Variants in OCIAD2 observed in about 807,000 individuals in gnomAD.
The protein encoded by OCIAD2 is OCIA domain-containing protein 2.
Under a neutral mutation model 22.9 loss-of-function variants are expected in OCIAD2, and 29 were observed. The observed-to-expected ratio is 1.27, with a 90% CI of 0.94 to 1.73. The LOEUF (loss-of-function observed/expected upper bound fraction) is 1.73. Ranked by LOEUF, OCIAD2 falls within the 40% of genes most tolerant of loss-of-function variation. OCIAD2 has a pLI of 0.00. For missense variants in OCIAD2, 189 were observed against 180.3 expected (o/e 1.05, Z -0.28); for synonymous variants, 67 against 60.2 (o/e 1.11, Z -0.52).
At position 48,904,487 on chromosome 4, in the gene OCIAD2, C is replaced by G; in HGVS notation, c.63G>C (p.Lys21Asn). The G allele has an allele frequency of 6.2e-7, 1 of 1,613,592 alleles. No individual in the cohort carries two copies. The highest frequency in any genetic ancestry group is 8.5e-7 in the Non-Finnish European group (1 of 1,179,534). Residue 21 changes from lysine (K) to asparagine (N), a missense_variant, in exon 2 of 7, where the codon AAG becomes AAC. Coordinates refer to ENST00000508632, the MANE Select transcript of OCIAD2 (RefSeq NM_001014446.3). ...ATCAATAAATATAAAAGTATACCTG[C>G]TTGCTTGGTGGTGGAAAATGGGCAT... Reference protein sequence around the residue: ...DKDAHFPPPSKQSLLFCPKSK... With the variant: ...DKDAHFPPPSNQSLLFCPKSK...
At position 48,899,891 on chromosome 4, in the gene OCIAD2, A is replaced by T. The variant is rs1781379272; in HGVS notation, c.101T>A (p.Ile34Asn). The change falls in exon 3 of 7, where the codon ATC becomes AAC. Residue 34 changes from isoleucine (I) to asparagine (N), a missense_variant. Transcript: ENST00000508632. ...LLFCPKSKLH[I>N]HRAEISKIMR... ...AATCTTTGAGATCTCTGCTCTGTGGATGTGCAGTTTTGATTTTGGACAAAA... is the reference window on the plus strand; with the variant it reads ...AATCTTTGAGATCTCTGCTCTGTGGTTGTGCAGTTTTGATTTTGGACAAAA... 1 of 1,613,854 alleles carries T rather than the reference A, an allele frequency of 6.2e-7. No homozygotes were observed. Among genetic ancestry groups the T allele is most frequent in the African/African-American group, 1.3e-5 (1 of 75,024 alleles).
rs1347646471 is a variant in OCIAD2 at position 48,885,466 on chromosome 4, A to C, written c.*18T>G. On this transcript the variant is annotated 3_prime_UTR_variant, in exon 7 of 7. Coordinates refer to ENST00000508632, the MANE Select transcript of OCIAD2 (RefSeq NM_001014446.3). ...AATTCAGAGGTTTAAAAAACTTCGAAAGTCACAGACACAGAATTTAGGAAG... is the reference window on the plus strand; with the variant it reads ...AATTCAGAGGTTTAAAAAACTTCGACAGTCACAGACACAGAATTTAGGAAG... 1.3e-6 allele frequency: 2 copies of C among 1,492,416 alleles called. No individual in the cohort carries two copies. Among genetic ancestry groups the C allele is most frequent in the Middle Eastern group, 1.7e-4 (1 of 5,814 alleles). The allele number at this position is 1,492,416 out of a possible 1,614,324, so 92.4% of individuals were successfully genotyped here.
chr4:48,904,956 A>T (rs750331602), intron 1 of OCIAD2, among the ~76,000 whole-genome samples: 4 of 152,176 alleles, frequency 2.6e-5, no homozygotes, highest in Non-Finnish European at 4.4e-5. Context: ...ACACAACATG[A>T]AAAGTATGCA....
chr4:48,888,944 T>G (rs913013784), intron 6 of OCIAD2, among the ~76,000 whole-genome samples: 3 of 152,212 alleles, frequency 2.0e-5, no homozygotes, highest in African/African-American at 7.2e-5. Context: ...CTGGTAGAAT[T>G]TGGCTGTGAA....
At chr4:48,894,109 T>A in intron 4 of OCIAD2, 56 bp from the exon 5 acceptor site, 1 of 899,756 alleles carries the variant, frequency 1.1e-6, no homozygotes, top group East Asian at 3.2e-5. Context: ...AAATTATAAG[T>A]TATAAATTAT....
intron 2 of OCIAD2, among the ~76,000 whole-genome samples, chr4:48,901,774 G>A (rs1379167062): frequency 2.6e-5 from 4 of 151,788 alleles, no homozygotes; most frequent in Non-Finnish European, 2.9e-5. Flanking sequence ...ACAGGGTCTC[G>A]CTCTGTCACC....
rs576156585 is a variant in OCIAD2, at chr4:48,898,677, C to G, written c.164-820G>C. Among the ~76,000 whole-genome samples the G allele has an allele frequency of 5.3e-5, 8 of 152,136 alleles. No individual in the cohort carries two copies. In the South Asian group the frequency reaches 1.7e-3, roughly 32 times the overall value. On this transcript the variant is annotated intron_variant, in intron 3 of 6. Transcript: ENST00000508632. ...CTTTCTCTTTTTCATGACATTTTGT[C>G]TTACAATTTGGATTTGCTGAAAATC...
chr4:48,887,410 C>G (rs1438387899), intron 6 of OCIAD2, among the ~76,000 whole-genome samples: 4 of 152,196 alleles, frequency 2.6e-5, no homozygotes, highest in African/African-American at 9.7e-5. Flanking sequence ...GAAGTCCTTG[C>G]CCATGCCTAT....
chr4:48,894,160 A>G, intron 4 of OCIAD2, 107 bp from the exon 5 acceptor site: 1 of 536,086 alleles, frequency 1.9e-6, no homozygotes, highest in Non-Finnish European at 2.9e-6. Flanking sequence ...AAAATTTAAG[A>G]CATAAAATTT....
At chr4:48,906,136 G>C (rs2109689255) in intron 1 of OCIAD2, among the ~76,000 whole-genome samples, 1 of 152,350 alleles carries the variant, frequency 6.6e-6, no homozygotes, top group Non-Finnish European at 1.5e-5. Context: ...TCGGTGGCCA[G>C]GTCCCCTGGC....
chr4:48,890,835 G>A (rs146429402), intron 6 of OCIAD2, among the ~76,000 whole-genome samples: 2 of 152,258 alleles, frequency 1.3e-5, no homozygotes, highest in Admixed American at 6.5e-5. Context: ...GGATTACTTC[G>A]AAGGTAGCAA....
intron 6 of OCIAD2, among the ~76,000 whole-genome samples, chr4:48,892,211 C>CTT (rs1416573198): frequency 6.6e-6 from 1 of 152,186 alleles, no homozygotes; most frequent in African/African-American, 2.4e-5. Flanking sequence ...CATTTCTATT[C>CTT]TTTACATCTC....
Position 48,885,487 on chromosome 4 carries a change from G to A in OCIAD2, c.462C>T (p.Ser154=), listed in dbSNP as rs200057664. 3.3e-4 allele frequency: 524 copies of A among 1,586,326 alleles called. 8 individuals are homozygous for A. In the South Asian group the frequency reaches 5.5e-3, roughly 17 times the overall value. The part of the protein sequence containing the change: ...SEKGDSQPSA[S] ...TCGAAAGTCACAGACACAGAATTTA[G>A]GAAGCTGAAGGCTGAGAGTCTCCCT... Residue 154 remains serine, a synonymous_variant, in exon 7 of 7, where the codon TCC becomes TCT. Coordinates refer to ENST00000508632, the MANE Select transcript of OCIAD2 (RefSeq NM_001014446.3).
rs1780945985 is a variant in OCIAD2, at chr4:48,885,175, G to A, written c.*309C>T. 1 of 216,120 alleles carries A rather than the reference G, an allele frequency of 4.6e-6. No individual in the cohort carries two copies. The highest frequency in any genetic ancestry group is 9.1e-6 in the Non-Finnish European group (1 of 109,790). The allele number at this position is 216,120 out of a possible 1,614,324, so 13.4% of individuals were successfully genotyped here. A position where few individuals can be genotyped will look rare whatever the true frequency, so the allele number is the denominator to read the frequency against. ...GGCTAATTTTTATATTTTTAGCAGAGATGGGGTTTCACCATGTTGGCCAAG... is the reference window on the plus strand; with the variant it reads ...GGCTAATTTTTATATTTTTAGCAGAAATGGGGTTTCACCATGTTGGCCAAG... On this transcript the variant is annotated 3_prime_UTR_variant, in exon 7 of 7. Transcript: ENST00000508632.
intron 6 of OCIAD2, among the ~76,000 whole-genome samples, chr4:48,886,842 T>C (rs563256146): frequency 5.3e-5 from 8 of 152,332 alleles, no homozygotes; most frequent in African/African-American, 1.4e-4. Flanking sequence ...TTATAATCCT[T>C]TGGGTATATA....
At chr4:48,901,955 G>T (rs1240823654) in intron 2 of OCIAD2, among the ~76,000 whole-genome samples, 1 of 151,882 alleles carries the variant, frequency 6.6e-6, no homozygotes, top group African/African-American at 2.4e-5. Context: ...GCGTGGGGGG[G>T]GCGTTCTCAC....
At chr4:48,887,078 T>C (rs1425373767) in intron 6 of OCIAD2, among the ~76,000 whole-genome samples, 4 of 152,264 alleles carry the variant, frequency 2.6e-5, no homozygotes, top group Non-Finnish European at 5.9e-5. Flanking sequence ...GATTTGCATT[T>C]CTCTGATGGT....
At position 48,897,807 on chromosome 4, in the gene OCIAD2, G is replaced by A; in HGVS notation, c.214C>T (p.Gln72Ter). The change falls in exon 4 of 7, where the codon CAA (glutamine) becomes TAA (stop). Residue 72 changes from glutamine (Q) to a stop codon, truncating the protein, a stop_gained. Coordinates refer to ENST00000508632, the MANE Select transcript of OCIAD2 (RefSeq NM_001014446.3). LOFTEE classifies it high-confidence loss of function. ...SMLVTQGLVYQGYLAANSRFG... is the reference protein window; with the variant it reads ...SMLVTQGLVY ...TTTAACAAATATTGAATCTTACCTT[G>A]GTAGACTAGTCCCTGGGTGACAAGC... 6.2e-7 allele frequency: 1 copy of A among 1,607,850 alleles called. No homozygotes were observed. Among genetic ancestry groups the A allele is most frequent in the Non-Finnish European group, 8.5e-7 (1 of 1,174,548 alleles).
At position 48,885,368 on chromosome 4, in the gene OCIAD2, T is replaced by G. The variant is rs1780951157; in HGVS notation, c.*116A>C. 1.4e-6 allele frequency: 1 copy of G among 720,506 alleles called. No individual in the cohort carries two copies. Among genetic ancestry groups the G allele is most frequent in the Admixed American group, 2.1e-5 (1 of 48,000 alleles). 44.6% of individuals were successfully genotyped at this position (720,506 alleles called of 1,614,324 possible). On this transcript the variant is annotated 3_prime_UTR_variant, in exon 7 of 7. Coordinates refer to ENST00000508632, the MANE Select transcript of OCIAD2 (RefSeq NM_001014446.3). ...CTTCCACGGAATACATTTCAGTGAG[T>G]GACAGACACAATGTTTTTGTTCCAT... is the stretch of plus-strand genomic sequence containing the variant.
Sources: allele counts gnomAD v4.1 joint callset (sites outside exome capture counted in the v4.1 genomes callset), GRCh38; gene constraint gnomAD v4.1.1; transcripts MANE v1.5; gene names NCBI Gene and HGNC (gene_info 2026-07-23, HGNC 2026-07-21).